Variants in LARP4 observed in about 807,000 individuals in gnomAD.
LARP4 encodes La ribonucleoprotein 4.
Under a neutral mutation model 92.9 loss-of-function variants are expected in LARP4, and 29 were observed. That is an observed-to-expected ratio of 0.31 (90% confidence interval 0.23 to 0.43). The LOEUF is 0.43. Among genes scored for constraint, LARP4 ranks in the 20% least tolerant of loss-of-function variants. The pLI is 1.00. For missense variants in LARP4, 732 were observed against 860.0 expected (o/e 0.85, Z 1.86); for synonymous variants, 279 against 284.1 (o/e 0.98, Z 0.18).
intron 1 of LARP4, among the ~76,000 whole-genome samples, chr12:50,425,909 C>T (rs2136973222): frequency 6.6e-6 from 1 of 152,306 alleles, no homozygotes; most frequent in East Asian, 1.9e-4. Flanking sequence ...CCCATTTCCT[C>T]CTTCTTCCCC....
intron 1 of LARP4, among the ~76,000 whole-genome samples, chr12:50,414,263 A>G (rs1454449961): frequency 6.6e-6 from 1 of 152,086 alleles, no homozygotes; most frequent in East Asian, 1.9e-4. Flanking sequence ...CTTGTTTAAC[A>G]GTATTGTAAC....
At chr12:50,419,299 A>G (rs1947350231) in intron 1 of LARP4, among the ~76,000 whole-genome samples, 1 of 152,162 alleles carries the variant, frequency 6.6e-6, no homozygotes, top group African/African-American at 2.4e-5. Flanking sequence ...TTGGAGGTTG[A>G]GGCTGCAGTG....
chr12:50,423,488 G>A (rs1299223815), intron 1 of LARP4, among the ~76,000 whole-genome samples: 2 of 152,048 alleles, frequency 1.3e-5, no homozygotes, highest in Non-Finnish European at 2.9e-5. Flanking sequence ...TTGCTCTGTT[G>A]CCCAGGCTGG....
At chr12:50,456,943 G>A (rs562062364) in intron 10 of LARP4, among the ~76,000 whole-genome samples, 6 of 152,028 alleles carry the variant, frequency 3.9e-5, no homozygotes, top group African/African-American at 1.5e-4. Context: ...AGACGGAGTC[G>A]TGCTCTGTCA....
At chr12:50,461,047 T>C (rs952756508) in intron 10 of LARP4, 88 bp from the exon 11 acceptor site, 4 of 1,033,462 alleles carry the variant, frequency 3.9e-6, no homozygotes, top group Non-Finnish European at 6.0e-6. Flanking sequence ...AAAACCCCAG[T>C]ACAACAGGAG....
intron 8 of LARP4, among the ~76,000 whole-genome samples, chr12:50,451,589 C>G (rs1953197929): frequency 6.6e-6 from 1 of 152,170 alleles, no homozygotes; most frequent in South Asian, 2.1e-4. Flanking sequence ...AATCCTAGCA[C>G]TTTGGGAGGC....
rs762987529 is a variant in LARP4 at position 50,426,684 on chromosome 12, GGTGTGT to G, written c.19-1036_19-1031del. On this transcript the variant is annotated intron_variant, in intron 1 of 15. Coordinates refer to ENST00000398473, the MANE Select transcript of LARP4 (RefSeq NM_052879.5). ...GCATGGAACAGGGCATTATGTTTGGGGTGTGTGTGTGTGTGTGTGTGTGTGTGTGTG... is the reference window on the plus strand; with the variant it reads ...GCATGGAACAGGGCATTATGTTTGGGGTGTGTGTGTGTGTGTGTGTGTGTG... 9.0e-3 allele frequency among the ~76,000 whole-genome samples: 771 copies of G among 86,082 alleles called. 13 individuals are homozygous for G. Among genetic ancestry groups the G allele is most frequent in the Middle Eastern group, 0.036 (4 of 112 alleles). 56.5% of individuals were successfully genotyped at this position (86,082 alleles called of 152,430 possible).
rs375728515 is a variant in LARP4, at chr12:50,425,681, G to T, written c.19-2081G>T. Among the ~76,000 whole-genome samples, 14 of 152,084 alleles carry T rather than the reference G, an allele frequency of 9.2e-5. No individual in the cohort carries two copies. In the East Asian group the frequency reaches 1.2e-3, roughly 13 times the overall value. On this transcript the variant is annotated intron_variant, in intron 1 of 15. Coordinates refer to ENST00000398473, the MANE Select transcript of LARP4 (RefSeq NM_052879.5). ...CAAAGCTCTCTAGGAGCCAGGAGCT[G>T]GGTCTTAGTGAGGTGGACCCCAGCT... is the stretch of plus-strand genomic sequence containing the variant.
chr12:50,422,140 T>C (rs1292963747), intron 1 of LARP4, among the ~76,000 whole-genome samples: 1 of 152,062 alleles, frequency 6.6e-6, no homozygotes, highest in Non-Finnish European at 1.5e-5. Flanking sequence ...TGGCTAATTT[T>C]TTTTAGTAGA....
At chr12:50,429,482 C>A (rs1949315108) in intron 3 of LARP4, among the ~76,000 whole-genome samples, 1 of 151,816 alleles carries the variant, frequency 6.6e-6, no homozygotes, top group Admixed American at 6.6e-5. Context: ...TGGTGGCATG[C>A]ACCTATAATC....
chr12:50,433,932 G>A (rs894449100), intron 4 of LARP4, among the ~76,000 whole-genome samples: 2 of 152,150 alleles, frequency 1.3e-5, no homozygotes, highest in Non-Finnish European at 2.9e-5. Context: ...GAGCCACCAT[G>A]CCTGGCCTCT....
intron 4 of LARP4, among the ~76,000 whole-genome samples, chr12:50,434,349 CT>C (rs1459120153): frequency 6.7e-5 from 10 of 148,298 alleles, no homozygotes; most frequent in Admixed American, 6.7e-5. Flanking sequence ...TTTGCATCTT[CT>C]TTTTTTAATG....
At chr12:50,438,879 G>T (rs1357949595) in intron 6 of LARP4, among the ~76,000 whole-genome samples, 3 of 152,190 alleles carry the variant, frequency 2.0e-5, no homozygotes, top group African/African-American at 7.2e-5. Context: ...ATACATTAAA[G>T]AAGATGAGGA....
At chr12:50,423,066 C>T (rs760859537) in intron 1 of LARP4, among the ~76,000 whole-genome samples, 4 of 151,892 alleles carry the variant, frequency 2.6e-5, no homozygotes, top group Admixed American at 2.0e-4. Context: ...GTGATCCACC[C>T]GCCTCAGCCT....
chr12:50,424,045 C>G (rs1948328192), intron 1 of LARP4, among the ~76,000 whole-genome samples: 1 of 152,210 alleles, frequency 6.6e-6, no homozygotes, highest in African/African-American at 2.4e-5. Context: ...GGGCATGAGC[C>G]ACTGCACCCG....
intron 15 of LARP4, 87 bp downstream of exon 15, chr12:50,474,254 A>T (rs1957296828): frequency 1.8e-6 from 2 of 1,081,330 alleles, no homozygotes; most frequent in East Asian, 2.5e-5. Context: ...GTTAGAACAG[A>T]GTCATTTGGA....
At chr12:50,461,495 T>A in intron 11 of LARP4, 148 bp downstream of exon 11, 3 of 865,532 alleles carry the variant, frequency 3.5e-6, no homozygotes, top group Non-Finnish European at 5.2e-6. Flanking sequence ...GAACATGAGT[T>A]GGTTGCTTTT....
intron 10 of LARP4, among the ~76,000 whole-genome samples, chr12:50,455,139 T>G (rs1953977275): frequency 6.6e-6 from 1 of 152,226 alleles, no homozygotes; most frequent in Admixed American, 6.5e-5. Context: ...TATGCTATCA[T>G]AAAGATTGAG....
chr12:50,438,589 C>T (rs192297091), intron 6 of LARP4, among the ~76,000 whole-genome samples: 26 of 152,174 alleles, frequency 1.7e-4, no homozygotes, highest in South Asian at 2.1e-4. Flanking sequence ...GTATGGTACA[C>T]GTACCGGAAT....
Sources: allele counts gnomAD v4.1 joint callset (sites outside exome capture counted in the v4.1 genomes callset), GRCh38; gene constraint gnomAD v4.1.1; transcripts MANE v1.5; gene names NCBI Gene and HGNC (gene_info 2026-07-23, HGNC 2026-07-21).